PDZD9: variants seen among roughly 807,000 people sequenced by gnomAD.
PDZD9 encodes the protein PDZ domain containing 9.
A neutral mutation model predicts 16.3 loss-of-function variants in PDZD9; 13 were observed. That is an observed-to-expected ratio of 0.80 (90% CI 0.52 to 1.27). The LOEUF (loss-of-function observed/expected upper bound fraction) is 1.27, where lower values mean the gene tolerates loss of function less well. PDZD9 is among the 50% of genes most tolerant of loss of function. The pLI is 0.00. For missense variants in PDZD9, 288 were observed against 310.9 expected, an observed-to-expected ratio of 0.93 and a Z score of 0.55; for synonymous variants, 120 against 111.0, an observed-to-expected ratio of 1.08 and a Z score of -0.51.
chr16:21,967,858 G>T, the PDZD9 span, among the ~76,000 whole-genome samples: 1 of 152,124 alleles, frequency 6.6e-6, no homozygotes, highest in African/African-American at 2.4e-5. Context: ...TGTTAGCCCT[G>T]TTATAGAATG....
chr16:21,978,736 A>G, the PDZD9 span, among the ~76,000 whole-genome samples: 1 of 152,240 alleles, frequency 6.6e-6, no homozygotes. Flanking sequence ...CTGAAGAAAT[A>G]GAATGGAGGC....
chr16:22,001,024 G>GT lies in PDZD9; in HGVS notation c.23dup (p.Asn8LysfsTer30). 1 of 1,532,638 alleles carries GT rather than the reference G, an allele frequency of 6.5e-7. No individual in the cohort carries two copies. Among genetic ancestry groups the GT allele is most frequent in the East Asian group, 2.5e-5 (1 of 40,630 alleles). 94.9% of individuals were successfully genotyped at this position (1,532,638 alleles called of 1,614,324 possible). A position where few individuals can be genotyped will look rare whatever the true frequency, so the allele number is the denominator to read the frequency against. ...TTCCTTCTCCCCAGTTACCTTTTTT[G>GT]TTTTTGTGGGAGGCCTTCTGCATGG... On this transcript the variant is annotated frameshift_variant, in exon 1 of 4. Transcript: ENST00000424898. LOFTEE classifies it high-confidence loss of function.
At chr16:21,971,385 T>A in the PDZD9 span, 1 of 644,274 alleles carries the variant, frequency 1.6e-6, no homozygotes, top group South Asian at 2.1e-5. Flanking sequence ...TCTGGGAGAG[T>A]GGCATTATGG....
chr16:21,961,666 A>G, the PDZD9 span, among the ~76,000 whole-genome samples: 1 of 111,112 alleles, frequency 9.0e-6, no homozygotes, highest in Non-Finnish European at 1.8e-5. Context: ...ATATATATAT[A>G]TATTTTAGAC....
rs1036403256 is a variant in PDZD9, at chr16:21,984,308, C to G, written c.754G>C (p.Val252Leu). Residue 252 changes from valine to leucine, a missense_variant, in exon 4 of 4, where the codon GTT (valine) becomes CTT (leucine). By Grantham distance (32) the Val-to-Leu change is conservative. Coordinates refer to ENST00000424898, the MANE Select transcript of PDZD9 (RefSeq NM_001363519.1). ...ACCAGTTGGGCTTTACCCTCTTCAA[C>G]TTGGGCACAATCTTCCAGCCAAAAT... ...DAFWLEDCAQ[V>L]EEGKAQLVSK... The G allele has an allele frequency of 1.9e-6, 3 of 1,613,922 alleles. No homozygotes were observed. Among genetic ancestry groups the G allele is most frequent in the African/African-American group, 1.3e-5 (1 of 74,916 alleles).
intron 2 of PDZD9, among the ~76,000 whole-genome samples, chr16:21,990,861 C>T (rs1899005048): frequency 6.6e-6 from 1 of 152,178 alleles, no homozygotes; most frequent in Non-Finnish European, 1.5e-5. Flanking sequence ...AATGTGATTA[C>T]TCTAGCAATA....
At chr16:21,992,854 T>C (rs774612734) in intron 2 of PDZD9, among the ~76,000 whole-genome samples, 2 of 152,122 alleles carry the variant, frequency 1.3e-5, no homozygotes, top group African/African-American at 4.8e-5. Context: ...CCAAATGTCA[T>C]TGCCGATTGT....
At chr16:21,968,778 G>T in the PDZD9 span, 3 of 1,138,418 alleles carry the variant, frequency 2.6e-6, no homozygotes, top group Non-Finnish European at 3.7e-6. Context: ...AACAAAATTT[G>T]AAAACTTCGG....
At chr16:21,982,371 T>C (rs1898754014), downstream of PDZD9, among the ~76,000 whole-genome samples, 1 of 152,198 alleles carries the variant, frequency 6.6e-6, no homozygotes, top group African/African-American at 2.4e-5. Flanking sequence ...GTTTTACTTT[T>C]AAGTTAACAA....
At chr16:21,966,307 C>T in the PDZD9 span, among the ~76,000 whole-genome samples, 2 of 152,230 alleles carry the variant, frequency 1.3e-5, no homozygotes, top group East Asian at 1.9e-4. Flanking sequence ...TTCTTCAGCA[C>T]ACCAGCCTCC....
At chr16:21,989,693 GT>G (rs369777500) in intron 2 of PDZD9, among the ~76,000 whole-genome samples, 17 of 152,164 alleles carry the variant, frequency 1.1e-4, no homozygotes, top group South Asian at 6.2e-4. Flanking sequence ...GAGTATGTTG[GT>G]TTAAAGGGAT....
chr16:21,973,488 G>A, the PDZD9 span, among the ~76,000 whole-genome samples: 1 of 152,152 alleles, frequency 6.6e-6, no homozygotes, highest in African/African-American at 2.4e-5. Context: ...TCTGACATGA[G>A]TGTATAAGAG....
chr16:21,986,129 C>T (rs1238290694), intron 3 of PDZD9, among the ~76,000 whole-genome samples: 1 of 152,140 alleles, frequency 6.6e-6, no homozygotes, highest in African/African-American at 2.4e-5. Context: ...CAGAGCGTTA[C>T]ATGGAGAATT....
At chr16:21,971,290 A>G in the PDZD9 span, among the ~76,000 whole-genome samples, 2 of 152,222 alleles carry the variant, frequency 1.3e-5, no homozygotes, top group Non-Finnish European at 2.9e-5. Flanking sequence ...TGAAGATAAT[A>G]TTAACTACAC....
chr16:21,974,955 G>C, the PDZD9 span, among the ~76,000 whole-genome samples: 2 of 152,140 alleles, frequency 1.3e-5, no homozygotes. Flanking sequence ...GTGAAGTTTG[G>C]GACAGACAAA....
At chr16:21,981,527 G>T (rs180783179), downstream of PDZD9, among the ~76,000 whole-genome samples, 3 of 152,206 alleles carry the variant, frequency 2.0e-5, no homozygotes, top group East Asian at 5.8e-4. Context: ...GCTGAGGTGG[G>T]CAGATTGCTT....
chr16:21,973,767 G>A, the PDZD9 span: 2 of 745,742 alleles, frequency 2.7e-6, no homozygotes, highest in East Asian at 2.7e-5. Context: ...TGACAGAACT[G>A]GCTAAGTAAA....
the PDZD9 span, among the ~76,000 whole-genome samples, chr16:21,963,837 T>C: frequency 6.6e-6 from 1 of 152,188 alleles, no homozygotes; most frequent in Non-Finnish European, 1.5e-5. Context: ...CTGCTATTAT[T>C]GCTTACTATT....
chr16:21,979,562 A>G (rs1248837108), downstream of PDZD9, among the ~76,000 whole-genome samples: 1 of 152,178 alleles, frequency 6.6e-6, no homozygotes, highest in East Asian at 1.9e-4. Context: ...AAAGGTAAGT[A>G]TTTGTGCATC....
Sources: allele counts gnomAD v4.1 joint callset (sites outside exome capture counted in the v4.1 genomes callset), GRCh38; gene constraint gnomAD v4.1.1; transcripts MANE v1.5; gene names NCBI Gene and HGNC (gene_info 2026-07-23, HGNC 2026-07-21).